The following ARHGEF12 variants were observed in gnomAD, a reference collection of about 807,000 sequenced individuals.
The protein encoded by ARHGEF12 is Rho guanine nucleotide exchange factor 12, also known as KMT2A/ARHGEF12 fusion protein.
A neutral mutation model predicts 211.2 loss-of-function variants in ARHGEF12; 66 were observed. That is an observed-to-expected ratio of 0.31 (90% confidence interval 0.26 to 0.38). The LOEUF is 0.38. Among genes scored for constraint, ARHGEF12 ranks in the 10% least tolerant of loss-of-function variants. The pLI is 1.00. For synonymous variants in ARHGEF12, 592 were observed against 638.4 expected, an observed-to-expected ratio of 0.93 and a Z score of 1.09; for missense variants, 1,429 against 1,869.5, an observed-to-expected ratio of 0.76 and a Z score of 4.34.
At chr11:120,340,943 T>G (rs1267678640) in intron 1 of ARHGEF12, among the ~76,000 whole-genome samples, 1 of 152,242 alleles carries the variant, frequency 6.6e-6, no homozygotes, top group African/African-American at 2.4e-5. Flanking sequence ...GATGTTCATA[T>G]TCAGTAAGGT....
intron 1 of ARHGEF12, among the ~76,000 whole-genome samples, chr11:120,344,461 G>A (rs1000512406): frequency 1.3e-5 from 2 of 151,886 alleles, no homozygotes; most frequent in Non-Finnish European, 2.9e-5. Context: ...TTTTAGATGG[G>A]TTATCTGCCT....
At chr11:120,344,706 GTAT>G (rs1401677832) in intron 1 of ARHGEF12, among the ~76,000 whole-genome samples, 1 of 152,116 alleles carries the variant, frequency 6.6e-6, no homozygotes, top group Non-Finnish European at 1.5e-5. Context: ...TTATAATGAT[GTAT>G]TATTATATCA....
chr11:120,462,774 G>A (rs947566929), intron 27 of ARHGEF12: 1 of 152,148 alleles, frequency 6.6e-6, no homozygotes. Context: ...TTCCAGTATT[G>A]TTTCCTTAAG....
At chr11:120,359,291 C>T (rs1943215280) in intron 1 of ARHGEF12, among the ~76,000 whole-genome samples, 1 of 152,128 alleles carries the variant, frequency 6.6e-6, no homozygotes, top group East Asian at 1.9e-4. Flanking sequence ...GTGGTGTGAT[C>T]ATGGCTCACT....
At chr11:120,439,990 TAAAGTACTTC>T in intron 12 of ARHGEF12, 129 bp from the exon 13 acceptor site, 1 of 649,556 alleles carries the variant, frequency 1.5e-6, no homozygotes, top group Non-Finnish European at 2.6e-6. Context: ...ACTTTGAAAA[TAAAGTACTTC>T]AAAGGAAATA....
At chr11:120,378,705 C>T (rs1481605327) in intron 1 of ARHGEF12, among the ~76,000 whole-genome samples, 1 of 152,192 alleles carries the variant, frequency 6.6e-6, no homozygotes, top group Middle Eastern at 3.4e-3. Context: ...GCATGTTTTC[C>T]AGCACCATTT....
chr11:120,362,918 G>A (rs1591502211), intron 1 of ARHGEF12, among the ~76,000 whole-genome samples: 1 of 150,514 alleles, frequency 6.6e-6, no homozygotes, highest in Non-Finnish European at 1.5e-5. Context: ...GACTAACACA[G>A]TGAAACCCCA....
chr11:120,380,380 T>C (rs543419956), intron 1 of ARHGEF12, among the ~76,000 whole-genome samples: 1 of 152,194 alleles, frequency 6.6e-6, no homozygotes, highest in Non-Finnish European at 1.5e-5. Context: ...TTTTCATTAA[T>C]GGCCTCTTTC....
chr11:120,464,655 T>C (rs1189073396), intron 27 of ARHGEF12: 1 of 152,116 alleles, frequency 6.6e-6, no homozygotes, highest in Non-Finnish European at 1.5e-5. Flanking sequence ...TCAGCTTGTC[T>C]GTGTAATTTA....
At chr11:120,374,027 G>C (rs144998806) in intron 1 of ARHGEF12, among the ~76,000 whole-genome samples, 1 of 152,052 alleles carries the variant, frequency 6.6e-6, no homozygotes, top group Non-Finnish European at 1.5e-5. Context: ...GGTTGGGCTC[G>C]AACTCCCGAC....
intron 4 of ARHGEF12, among the ~76,000 whole-genome samples, chr11:120,417,560 G>A (rs1181735845): frequency 6.7e-6 from 1 of 148,922 alleles, no homozygotes; most frequent in Non-Finnish European, 1.5e-5. Context: ...CCCAGGCTAG[G>A]CTGGAGTGCA....
rs114127411 is a variant in ARHGEF12 at position 120,432,330 on chromosome 11, G to T, written c.924+419G>T. ...TACCAAGAGGAAAAACCTCAGTCCT[G>T]TTAGATAGGCTTCAGTTAATAGCCC... On this transcript the variant is annotated intron_variant, in intron 11 of 40. Transcript: ENST00000397843. Among the ~76,000 whole-genome samples, 1,051 of 152,312 alleles carry T rather than the reference G, an allele frequency of 6.9e-3. 17 individuals carry two copies. Among genetic ancestry groups the T allele is most frequent in the African/African-American group, 0.024 (990 of 41,566 alleles).
chr11:120,449,409 A>T, intron 21 of ARHGEF12, 195 bp downstream of exon 21: 1 of 527,018 alleles, frequency 1.9e-6, no homozygotes, highest in East Asian at 3.1e-5. Context: ...TGTCATAAAC[A>T]TCTTTCGTGG....
chr11:120,476,130 G>A (rs1306389259), intron 33 of ARHGEF12: 1 of 152,962 alleles, frequency 6.5e-6, no homozygotes, highest in African/African-American at 2.4e-5. Context: ...GAGTGCAGTG[G>A]TACAACCTTG....
intron 1 of ARHGEF12, among the ~76,000 whole-genome samples, chr11:120,376,350 T>A (rs1943722689): frequency 6.6e-6 from 1 of 152,202 alleles, no homozygotes. Context: ...ATTTTGTTTA[T>A]CTAAGGGAAC....
rs1253181872 is a variant in ARHGEF12, at chr11:120,480,072, A to G, written c.3879A>G (p.Thr1293=). The change falls in exon 38 of 41, where the codon ACA becomes ACG. Residue 1293 remains threonine (T), a synonymous_variant. Coordinates refer to ENST00000397843, the MANE Select transcript of ARHGEF12 (RefSeq NM_015313.3). ...RYRTASQGPQ[T]DSVIQNSENI... ...GAACAGCCTCTCAGGGGCCGCAGAC[A>G]GACAGTGTCATCCAGAACTCTGAAA... 3.1e-6 allele frequency: 5 copies of G among 1,614,236 alleles called. No individual in the cohort carries two copies. The highest frequency in any genetic ancestry group is 1.1e-5 in the South Asian group (1 of 91,080).
chr11:120,403,925 C>T (rs1944617216), intron 1 of ARHGEF12, among the ~76,000 whole-genome samples: 1 of 152,196 alleles, frequency 6.6e-6, no homozygotes, highest in African/African-American at 2.4e-5. Context: ...TATGACCTGG[C>T]CACTTTGTAG....
chr11:120,377,011 A>G (rs1943746175), intron 1 of ARHGEF12, among the ~76,000 whole-genome samples: 1 of 152,138 alleles, frequency 6.6e-6, no homozygotes, highest in African/African-American at 2.4e-5. Context: ...CATTGTGTAT[A>G]TGTACCGCAT....
rs146012135 is a variant in ARHGEF12, at chr11:120,469,521, A to G, written c.2955+133A>G. On this transcript the variant is annotated intron_variant, in intron 30 of 40. Transcript: ENST00000397843. ...GGGAGAACATTTGTTTACTGTTCGCATAGTAGGCAGGTCAAGATCAATCTG... is the reference window on the plus strand; with the variant it reads ...GGGAGAACATTTGTTTACTGTTCGCGTAGTAGGCAGGTCAAGATCAATCTG... 2,690 of 758,686 alleles carry G rather than the reference A, an allele frequency of 3.5e-3. 13 individuals carry two copies. Among genetic ancestry groups the G allele is most frequent in the Middle Eastern group, 0.017 (56 of 3,246 alleles). The allele number at this position is 758,686 out of a possible 1,614,324, so 47.0% of individuals were successfully genotyped here.
Sources: allele counts gnomAD v4.1 joint callset (sites outside exome capture counted in the v4.1 genomes callset), GRCh38; gene constraint gnomAD v4.1.1; transcripts MANE v1.5; gene names NCBI Gene and HGNC (gene_info 2026-07-23, HGNC 2026-07-21).